CDH18: variants seen among roughly 807,000 people sequenced by gnomAD.
The protein encoded by CDH18 is cadherin 18.
CDH18 carries 31 observed loss-of-function variants against 67.9 expected under a neutral mutation model. The observed-to-expected ratio is 0.46, with a 90% CI of 0.34 to 0.62. The LOEUF (loss-of-function observed/expected upper bound fraction) is 0.62. Among genes scored for constraint, CDH18 ranks in the 20% least tolerant of loss-of-function variants. CDH18 has a pLI of 0.01. For missense variants in CDH18, 890 were observed against 975.5 expected (o/e 0.91, Z 1.17); for synonymous variants, 362 against 347.2 (o/e 1.04, Z -0.48).
chr5:19,792,859 A>G (rs1776505047), intron 3 of CDH18, among the ~76,000 whole-genome samples: 1 of 152,164 alleles, frequency 6.6e-6, no homozygotes. Context: ...CTATGGTAGA[A>G]CTTTACTTCT....
intron 1 of CDH18, among the ~76,000 whole-genome samples, chr5:20,520,320 C>T (rs899651283): frequency 1.3e-5 from 2 of 152,072 alleles, no homozygotes; most frequent in South Asian, 2.1e-4. Context: ...GGAGGTTCTT[C>T]TGCATCCATG....
chr5:19,779,307 T>G (rs16899242), intron 3 of CDH18, among the ~76,000 whole-genome samples: 6,002 of 152,268 alleles, frequency 0.039, 311 homozygotes, highest in African/African-American at 0.13. Context: ...ATTGCAACAC[T>G]GTAAATTGGT....
chr5:20,395,118 A>G (rs1199489251), intron 1 of CDH18, among the ~76,000 whole-genome samples: 1 of 152,150 alleles, frequency 6.6e-6, no homozygotes, highest in Non-Finnish European at 1.5e-5. Flanking sequence ...ATAAGTCATT[A>G]TAGCCAAAAG....
chr5:19,514,881 T>A (rs2126857511), intron 10 of CDH18, among the ~76,000 whole-genome samples: 1 of 152,332 alleles, frequency 6.6e-6, no homozygotes, highest in South Asian at 2.1e-4. Context: ...TTGGCTTTTG[T>A]TGCCATTGCT....
chr5:19,968,645 G>A (rs1432059930), intron 2 of CDH18, among the ~76,000 whole-genome samples: 1 of 146,476 alleles, frequency 6.8e-6, no homozygotes, highest in Admixed American at 6.6e-5. Flanking sequence ...GCCATATGTA[G>A]AAAGCTGAAA....
chr5:19,901,139 G>T (rs540656814), intron 2 of CDH18, among the ~76,000 whole-genome samples: 10 of 151,912 alleles, frequency 6.6e-5, no homozygotes, highest in Non-Finnish European at 1.3e-4. Flanking sequence ...TAATATAGTG[G>T]AGACAGTTTT....
chr5:20,037,845 A>G (rs1312339964), intron 2 of CDH18, among the ~76,000 whole-genome samples: 1 of 152,084 alleles, frequency 6.6e-6, no homozygotes, highest in Non-Finnish European at 1.5e-5. Flanking sequence ...ACAAGAAATA[A>G]CTAAGATCAG....
chr5:19,568,545 A>C (rs1384558581), intron 8 of CDH18, among the ~76,000 whole-genome samples: 3 of 152,220 alleles, frequency 2.0e-5, no homozygotes, highest in Admixed American at 6.5e-5. Flanking sequence ...CAAGACTATG[A>C]TAATTCTTCT....
At chr5:19,489,807 G>A (rs956523492) in intron 11 of CDH18, among the ~76,000 whole-genome samples, 1 of 152,140 alleles carries the variant, frequency 6.6e-6, no homozygotes, top group Non-Finnish European at 1.5e-5. Context: ...GATTCTTGAA[G>A]AATATCAGGA....
intron 1 of CDH18, among the ~76,000 whole-genome samples, chr5:20,423,237 G>C (rs1448084424): frequency 6.6e-6 from 1 of 151,242 alleles, no homozygotes. Context: ...TAACAGAAAA[G>C]CTCAATGCCT....
chr5:20,356,411 CAA>C (rs557534579), intron 1 of CDH18, among the ~76,000 whole-genome samples: 84 of 151,880 alleles, frequency 5.5e-4, no homozygotes, highest in Non-Finnish European at 9.4e-4. Flanking sequence ...ACCACAACAA[CAA>C]AAAACACTCC....
intron 1 of CDH18, among the ~76,000 whole-genome samples, chr5:20,519,935 G>C (rs1468798477): frequency 8.8e-6 from 1 of 114,208 alleles, no homozygotes; most frequent in Admixed American, 8.8e-5. Flanking sequence ...GTACAACACA[G>C]TCTTGGCTTT....
At chr5:20,313,443 TG>T (rs1737175935) in intron 1 of CDH18, among the ~76,000 whole-genome samples, 1 of 152,106 alleles carries the variant, frequency 6.6e-6, no homozygotes, top group South Asian at 2.1e-4. Context: ...TTATTGTTTA[TG>T]TTTTTTTCTC....
intron 9 of CDH18, among the ~76,000 whole-genome samples, chr5:19,542,237 CA>C (rs1387466289): frequency 6.6e-6 from 1 of 152,130 alleles, no homozygotes; most frequent in Non-Finnish European, 1.5e-5. Flanking sequence ...AATACCACCT[CA>C]CACCCACTAG....
At chr5:20,438,535 A>G (rs1749354274) in intron 1 of CDH18, among the ~76,000 whole-genome samples, 2 of 151,498 alleles carry the variant, frequency 1.3e-5, no homozygotes, top group South Asian at 4.1e-4. Context: ...GAATGAATAA[A>G]TTCAATCTCA....
chr5:20,468,874 T>G (rs2471148), intron 1 of CDH18, among the ~76,000 whole-genome samples: 75,715 of 151,690 alleles, frequency 0.5, 19,196 homozygotes, highest in Non-Finnish European at 0.54. Flanking sequence ...ACATATTAGG[T>G]AAAGGGCTAA....
intron 2 of CDH18, among the ~76,000 whole-genome samples, chr5:19,921,232 G>A (rs901235202): frequency 9.2e-5 from 14 of 151,910 alleles, no homozygotes; most frequent in South Asian, 8.3e-4. Flanking sequence ...AAAAAATTCC[G>A]TTAAAAACAA....
At chr5:20,471,934 C>T (rs1250320137) in intron 1 of CDH18, among the ~76,000 whole-genome samples, 1 of 284 alleles carries the variant, frequency 3.5e-3, no homozygotes, top group Non-Finnish European at 0.011. Context: ...ATATCTCAGG[C>T]AATACTCCTG....
intron 3 of CDH18, among the ~76,000 whole-genome samples, chr5:19,799,157 C>A (rs1777162426): frequency 6.6e-6 from 1 of 151,958 alleles, no homozygotes; most frequent in African/African-American, 2.4e-5. Context: ...CACAGAAGAG[C>A]AAATACTACA....
Sources: allele counts gnomAD v4.1 joint callset (sites outside exome capture counted in the v4.1 genomes callset), GRCh38; gene constraint gnomAD v4.1.1; transcripts MANE v1.5; gene names NCBI Gene and HGNC (gene_info 2026-07-23, HGNC 2026-07-21).